ITFG1: variants seen among roughly 807,000 people sequenced by gnomAD.
ITFG1 encodes T-cell immunomodulatory protein.
ITFG1 carries 34 observed loss-of-function variants against 81.8 expected under a neutral mutation model. That is an observed-to-expected ratio of 0.42 (90% CI 0.32 to 0.55). The LOEUF is 0.55. ITFG1 is among the 20% of genes least tolerant of loss of function. ITFG1 has a pLI of 0.17. For missense variants in ITFG1, 672 were observed against 755.4 expected (o/e 0.89, Z 1.29); for synonymous variants, 285 against 270.6 (o/e 1.05, Z -0.52).
chr16:47,450,448 G>C (rs1969374581), intron 5 of ITFG1: 2 of 418,308 alleles, frequency 4.8e-6, no homozygotes, highest in African/African-American at 2.1e-5. Flanking sequence ...GTTCAGGGTG[G>C]TATGGCTGTA....
chr16:47,218,824 CTGAAGAAGCT>C, intron 14 of ITFG1, 34 bp downstream of exon 14: 1 of 1,200,508 alleles, frequency 8.3e-7, no homozygotes, highest in Non-Finnish European at 1.2e-6. Context: ...AATATATTGA[CTGAAGAAGCT>C]TTTATACATT....
Position 47,454,124 on chromosome 16 carries a change from C to T in ITFG1, c.316G>A (p.Gly106Arg), listed in dbSNP as rs1242003004. ...ATTTGAGAATCTCCATCATAATCCC[C>T]AGGGACTACACTTGTTATCAATGCA... ...HSALITSVVP[G>R]DYDGDSQMDV... The change falls in exon 3 of 18, where the codon GGG becomes AGG. Residue 106 changes from glycine (G) to arginine (R), a missense_variant. Transcript: ENST00000320640. 6.2e-7 allele frequency: 1 copy of T among 1,607,426 alleles called. No individual in the cohort carries two copies. The highest frequency in any genetic ancestry group is 1.3e-5 in the African/African-American group (1 of 74,764).
Position 47,459,160 on chromosome 16 carries a change from A to G in ITFG1, c.224T>C (p.Val75Ala), listed in dbSNP as rs1420847390. The change falls in exon 2 of 18, where the codon GTC becomes GCC. Residue 75 changes from valine to alanine, a missense_variant. This residue lies in a region of ITFG1 where 560 missense variants were observed against 625.7 expected (regional missense o/e 0.90). Coordinates refer to ENST00000320640, the MANE Select transcript of ITFG1 (RefSeq NM_030790.5). ...FVLRERNDLI[V>A]FLADQNAPYF... is the part of the protein sequence containing the mutation. The stretch of plus-strand genomic sequence containing the variant: ...GGGTGCATTCTGGTCTGCCAAAAAG[A>G]CGATTAAGTCATTTCCTAAAGAAAA... 2 of 1,598,010 alleles carry G rather than the reference A, an allele frequency of 1.3e-6. No individual in the cohort carries two copies. Among genetic ancestry groups the G allele is most frequent in the Admixed American group, 3.3e-5 (2 of 59,996 alleles).
chr16:47,333,140 A>AT (rs1170696429), intron 8 of ITFG1, among the ~76,000 whole-genome samples: 6 of 152,222 alleles, frequency 3.9e-5, no homozygotes, highest in African/African-American at 1.4e-4. Context: ...GAAATTGATA[A>AT]TTCCTGAATA....
intron 14 of ITFG1, among the ~76,000 whole-genome samples, chr16:47,213,368 A>G (rs1965587779): frequency 6.6e-6 from 1 of 152,156 alleles, no homozygotes; most frequent in Non-Finnish European, 1.5e-5. Flanking sequence ...TGGGCATTTG[A>G]AAAGAATGTA....
intron 17 of ITFG1, among the ~76,000 whole-genome samples, 173 bp from the exon 18 acceptor site, chr16:47,155,951 T>C (rs1964697544): frequency 6.6e-6 from 1 of 152,246 alleles, no homozygotes; most frequent in South Asian, 2.1e-4. Flanking sequence ...AGCTATTTTA[T>C]AATTAATGAT....
intron 12 of ITFG1, among the ~76,000 whole-genome samples, chr16:47,247,156 A>G (rs930654125): frequency 2.0e-5 from 3 of 152,152 alleles, no homozygotes; most frequent in African/African-American, 7.2e-5. Flanking sequence ...TGAGTTAATG[A>G]AATTTGAAAA....
chr16:47,342,724 C>T (rs971312609), intron 8 of ITFG1, among the ~76,000 whole-genome samples: 5 of 151,982 alleles, frequency 3.3e-5, no homozygotes, highest in Admixed American at 1.3e-4. Context: ...AATGAAAAAT[C>T]CCCCAAAAAT....
chr16:47,360,120 G>T (rs143824074), intron 8 of ITFG1, among the ~76,000 whole-genome samples: 89 of 152,306 alleles, frequency 5.8e-4, no homozygotes, highest in African/African-American at 2.1e-3. Flanking sequence ...GAAGGAAAAT[G>T]AATTGCTCCA....
At position 47,325,861 on chromosome 16, in the gene ITFG1, C is replaced by G. The variant is rs185452995; in HGVS notation, c.803-12038G>C. On this transcript the variant is annotated intron_variant, in intron 8 of 17. Transcript: ENST00000320640. ...CTTACCAACCAAAAAAGGTCCAGGA[C>G]CAAATGGATTCACAGCCAAATTCTA... Among the ~76,000 whole-genome samples the G allele has an allele frequency of 1.4e-3, 206 of 152,192 alleles. 1 individual carries two copies. The highest frequency in any genetic ancestry group is 3.9e-3 in the Admixed American group (59 of 15,282).
At chr16:47,356,289 G>T (rs1968038852) in intron 8 of ITFG1, among the ~76,000 whole-genome samples, 1 of 152,154 alleles carries the variant, frequency 6.6e-6, no homozygotes, top group Admixed American at 6.6e-5. Context: ...AACTATTTTT[G>T]AGCATTATGA....
chr16:47,456,927 G>A (rs1331162271), intron 2 of ITFG1, among the ~76,000 whole-genome samples: 1 of 152,156 alleles, frequency 6.6e-6, no homozygotes, highest in Non-Finnish European at 1.5e-5. Context: ...TGCAGGATAG[G>A]TATATGGCAG....
At chr16:47,290,371 T>G (rs1398428225) in intron 10 of ITFG1, among the ~76,000 whole-genome samples, 1 of 152,164 alleles carries the variant, frequency 6.6e-6, no homozygotes, top group African/African-American at 2.4e-5. Context: ...TTGTTGGTTT[T>G]ATGTCCAGAT....
At chr16:47,316,607 C>A (rs1171938893) in intron 8 of ITFG1, among the ~76,000 whole-genome samples, 1 of 152,194 alleles carries the variant, frequency 6.6e-6, no homozygotes. Context: ...CCCTGCAGCA[C>A]AGGATACAGT....
chr16:47,160,443 C>T (rs909230576), intron 16 of ITFG1, among the ~76,000 whole-genome samples: 2 of 151,674 alleles, frequency 1.3e-5, no homozygotes, highest in African/African-American at 2.4e-5. Flanking sequence ...GTTCTATGTC[C>T]GTGGCAGTGA....
chr16:47,338,096 G>A lies in ITFG1; in HGVS notation c.803-24273C>T, dbSNP rs1196875920. ...AGGAATACAGTCTTTCAAAAAAATA[G>A]TTTGGAAAATTACTAAACAAATGGC... is the stretch of plus-strand genomic sequence containing the variant. On this transcript the variant is annotated intron_variant, in intron 8 of 17. Transcript: ENST00000320640. Among the ~76,000 whole-genome samples, 3 of 152,188 alleles carry A rather than the reference G, an allele frequency of 2.0e-5. No individual in the cohort carries two copies. The South Asian group carries it at 6.2e-4, about 31-fold the overall frequency.
At chr16:47,304,568 T>C (rs1312875429) in intron 10 of ITFG1, among the ~76,000 whole-genome samples, 3 of 152,234 alleles carry the variant, frequency 2.0e-5, no homozygotes, top group Non-Finnish European at 2.9e-5. Flanking sequence ...TGAGCATAAA[T>C]GTTGTCTGTA....
At position 47,266,240 on chromosome 16, in the gene ITFG1, T is replaced by TG. The variant is rs202180519; in HGVS notation, c.1071-5546dup. Among the ~76,000 whole-genome samples, 1,143 of 152,280 alleles carry TG rather than the reference T, an allele frequency of 7.5e-3. 18 individuals carry two copies. Among genetic ancestry groups the TG allele is most frequent in the African/African-American group, 0.026 (1,083 of 41,546 alleles). ...TTTGTTTGTTTTTGTTTTTTTGTGA[T>TG]GGAGTCTCGCTCTGTTGCCCAGCCT... On this transcript the variant is annotated intron_variant, in intron 10 of 17. Coordinates refer to ENST00000320640, the MANE Select transcript of ITFG1 (RefSeq NM_030790.5).
chr16:47,433,274 A>G (rs918683723), intron 5 of ITFG1, among the ~76,000 whole-genome samples: 5 of 152,228 alleles, frequency 3.3e-5, no homozygotes, highest in African/African-American at 1.2e-4. Flanking sequence ...TTGGGCCCAT[A>G]TACTCCTTTA....
Sources: allele counts gnomAD v4.1 joint callset (sites outside exome capture counted in the v4.1 genomes callset), GRCh38; gene constraint gnomAD v4.1.1; regional missense constraint gnomAD v4.1.1; transcripts MANE v1.5; gene names NCBI Gene and HGNC (gene_info 2026-07-23, HGNC 2026-07-21).